Variants in UBASH3B observed in about 807,000 individuals in gnomAD.
UBASH3B encodes ubiquitin associated and SH3 domain containing B.
Under a neutral mutation model 83.4 loss-of-function variants are expected in UBASH3B, and 37 were observed. That is an observed-to-expected ratio of 0.44 (90% confidence interval 0.34 to 0.58). The LOEUF is 0.58. Ranked by LOEUF, UBASH3B falls within the 20% of genes least tolerant of loss-of-function variation. The pLI is 0.01. For synonymous variants in UBASH3B, 304 were observed against 318.3 expected (o/e 0.96, Z 0.48); for missense variants, 657 against 827.2 (o/e 0.79, Z 2.52).
chr11:122,792,360 C>T (rs1861072757), intron 6 of UBASH3B, among the ~76,000 whole-genome samples: 1 of 150,038 alleles, frequency 6.7e-6, no homozygotes. Flanking sequence ...ACTCTGTTGC[C>T]CAGGCTGGAG....
intron 1 of UBASH3B, among the ~76,000 whole-genome samples, chr11:122,771,531 G>T (rs571376704): frequency 6.6e-6 from 1 of 152,140 alleles, no homozygotes; most frequent in South Asian, 2.1e-4. Flanking sequence ...GTGAGCCACC[G>T]TGTCCAGCCT....
intron 5 of UBASH3B, among the ~76,000 whole-genome samples, chr11:122,784,210 A>G (rs1860909018): frequency 6.6e-6 from 1 of 152,186 alleles, no homozygotes; most frequent in Admixed American, 6.5e-5. Context: ...CTGGGATTAC[A>G]AGCGTGAGCC....
rs187226855 is a variant in UBASH3B at position 122,731,246 on chromosome 11, C to T, written c.162-44973C>T. 2.0e-5 allele frequency among the ~76,000 whole-genome samples: 3 copies of T among 152,312 alleles called. No individual in the cohort carries two copies. In the East Asian group the frequency reaches 5.8e-4, roughly 29 times the overall value. ...GCAGTTTGAGGTGTGGCAGCAAAAC[C>T]AGCACAAATTTCTTCTTCCTTCTTC... On this transcript the variant is annotated intron_variant, in intron 1 of 13. Coordinates refer to ENST00000284273, the MANE Select transcript of UBASH3B (RefSeq NM_032873.5).
chr11:122,798,903 A>G, intron 9 of UBASH3B, 39 bp from the exon 10 acceptor site: 1 of 1,584,202 alleles, frequency 6.3e-7, no homozygotes, highest in African/African-American at 1.3e-5. Flanking sequence ...GAGACTGAGT[A>G]AATCCATCAG....
At chr11:122,700,318 C>T (rs561902772) in intron 1 of UBASH3B, among the ~76,000 whole-genome samples, 1 of 152,102 alleles carries the variant, frequency 6.6e-6, no homozygotes, top group South Asian at 2.1e-4. Context: ...CAGAGTTACA[C>T]ATGGTGAGTC....
intron 1 of UBASH3B, among the ~76,000 whole-genome samples, chr11:122,713,309 G>A (rs73016292): frequency 0.11 from 17,060 of 152,074 alleles, 1,006 homozygotes; most frequent in Middle Eastern, 0.14. Flanking sequence ...ATAGCCACAC[G>A]ACGAAGAGAG....
chr11:122,656,891 G>T (rs1360254105), intron 1 of UBASH3B, among the ~76,000 whole-genome samples: 2 of 152,242 alleles, frequency 1.3e-5, no homozygotes, highest in Admixed American at 6.5e-5. Context: ...AGGAGGGGGA[G>T]CTGTTCTTCA....
intron 1 of UBASH3B, among the ~76,000 whole-genome samples, chr11:122,705,817 C>T (rs1050792342): frequency 6.6e-6 from 1 of 152,168 alleles, no homozygotes; most frequent in Non-Finnish European, 1.5e-5. Context: ...GACGTCCCAT[C>T]TTCGTTCAAC....
chr11:122,682,811 A>T (rs1264936152), intron 1 of UBASH3B, among the ~76,000 whole-genome samples: 5 of 152,366 alleles, frequency 3.3e-5, no homozygotes. Context: ...TAAACTACTG[A>T]TTAAAAAAAT....
At chr11:122,793,798 G>C (rs1360308707) in intron 6 of UBASH3B, among the ~76,000 whole-genome samples, 1 of 152,166 alleles carries the variant, frequency 6.6e-6, no homozygotes, top group African/African-American at 2.4e-5. Flanking sequence ...GGTGAGAATG[G>C]TCTTCTCTGA....
chr11:122,764,260 C>T (rs927719136), intron 1 of UBASH3B, among the ~76,000 whole-genome samples: 8 of 152,178 alleles, frequency 5.3e-5, no homozygotes, highest in African/African-American at 1.4e-4. Context: ...CAGGATGGTC[C>T]TAAGATCCTT....
chr11:122,692,690 T>A (rs1011440894), intron 1 of UBASH3B, among the ~76,000 whole-genome samples: 23 of 152,218 alleles, frequency 1.5e-4, no homozygotes, highest in Non-Finnish European at 3.4e-4. Context: ...GTTTGTCTCA[T>A]ACGATCGGAG....
chr11:122,780,578 G>GT (rs1430266658), intron 4 of UBASH3B, among the ~76,000 whole-genome samples: 2 of 152,240 alleles, frequency 1.3e-5, no homozygotes, highest in Non-Finnish European at 2.9e-5. Flanking sequence ...ACAGGGAAGA[G>GT]AACAAGAAGT....
chr11:122,683,040 G>A (rs1299334758), intron 1 of UBASH3B, among the ~76,000 whole-genome samples: 2 of 152,000 alleles, frequency 1.3e-5, no homozygotes, highest in Admixed American at 6.6e-5. Context: ...GAGCCCAGGA[G>A]TTGGTCTTGC....
chr11:122,687,909 G>T (rs2135915546), intron 1 of UBASH3B, among the ~76,000 whole-genome samples: 1 of 152,136 alleles, frequency 6.6e-6, no homozygotes, highest in South Asian at 2.1e-4. Context: ...TAATAATAAT[G>T]ATATCATAAT....
At chr11:122,753,327 T>C (rs1030744310) in intron 1 of UBASH3B, among the ~76,000 whole-genome samples, 2 of 151,432 alleles carry the variant, frequency 1.3e-5, no homozygotes, top group Non-Finnish European at 2.9e-5. Flanking sequence ...TTCGTGTGCC[T>C]GTACTCCCAG....
chr11:122,720,311 A>AG (rs1860601978), intron 1 of UBASH3B, among the ~76,000 whole-genome samples: 1 of 152,184 alleles, frequency 6.6e-6, no homozygotes, highest in Admixed American at 6.5e-5. Context: ...TTTTCCATCC[A>AG]GTCCATCAGT....
chr11:122,777,500 C>T (rs1860758562), intron 3 of UBASH3B, among the ~76,000 whole-genome samples: 1 of 152,192 alleles, frequency 6.6e-6, no homozygotes, highest in African/African-American at 2.4e-5. Flanking sequence ...AATCACTGAT[C>T]TAGCTTCACA....
At chr11:122,725,340 A>AGAG (rs1425094377) in intron 1 of UBASH3B, among the ~76,000 whole-genome samples, 12 of 135,174 alleles carry the variant, frequency 8.9e-5, no homozygotes, top group Non-Finnish European at 2.0e-4. Flanking sequence ...AAAAAAAAAA[A>AGAG]AAAAGAAAAG....
Sources: gnomAD v4.1 joint callset for allele counts (sites outside exome capture counted in the v4.1 genomes callset) on GRCh38, gnomAD v4.1.1 for gene constraint, MANE v1.5 for transcripts, NCBI Gene and HGNC (gene_info 2026-07-23, HGNC 2026-07-21) for gene names.